The following RP1 variants were observed in gnomAD, a reference collection of about 807,000 sequenced individuals.
RP1 encodes oxygen-regulated protein 1.
In RP1, 16 loss-of-function variants were observed where a neutral mutation model predicts 14.8. The ratio of observed to expected loss-of-function variants is 1.08; its 90% confidence interval spans 0.73 to 1.65. The LOEUF (loss-of-function observed/expected upper bound fraction) is 1.65, where lower values mean the gene tolerates loss of function less well. RP1 is among the 40% of genes most tolerant of loss of function. The pLI is 0.00. For synonymous variants in RP1, 876 were observed against 883.6 expected (o/e 0.99, Z 0.15); for missense variants, 2,631 against 2,535.0 (o/e 1.04, Z -0.81).
chr8:54,804,706 T>A (rs1197466835), intron 24 of RP1, among the ~76,000 whole-genome samples: 1 of 152,136 alleles, frequency 6.6e-6, no homozygotes, highest in East Asian at 1.9e-4. Flanking sequence ...GTAACACCAA[T>A]ACATTAAATA....
At chr8:54,787,572 C>T (rs75142043) in intron 24 of RP1, among the ~76,000 whole-genome samples, 3,753 of 152,112 alleles carry the variant, frequency 0.025, 157 homozygotes, top group African/African-American at 0.083. Context: ...AAATTTAGTT[C>T]GGCTTTTTAT....
At chr8:54,785,330 T>G (rs1810292052) in intron 24 of RP1, among the ~76,000 whole-genome samples, 1 of 150,312 alleles carries the variant, frequency 6.7e-6, no homozygotes, top group Non-Finnish European at 1.5e-5. Context: ...TAATCGGTGT[T>G]GTAGCATGTA....
chr8:54,709,077 C>T (rs1808233400), intron 15 of RP1, among the ~76,000 whole-genome samples: 2 of 152,142 alleles, frequency 1.3e-5, no homozygotes, highest in African/African-American at 4.8e-5. Flanking sequence ...AGAGCTGAGG[C>T]TTTGTCCAGG....
At chr8:54,660,607 A>G (rs1171577566) in intron 6 of RP1, among the ~76,000 whole-genome samples, 1 of 151,920 alleles carries the variant, frequency 6.6e-6, no homozygotes, top group Non-Finnish European at 1.5e-5. Flanking sequence ...ACTGACTTTG[A>G]TGAGGTTCTT....
chr8:54,837,358 T>TA (rs5891554), intron 24 of RP1: 1 of 478,394 alleles, frequency 2.1e-6, no homozygotes, highest in Non-Finnish European at 3.3e-6. Context: ...GTATTTATGA[T>TA]AAAAAAGTAA....
intron 24 of RP1, among the ~76,000 whole-genome samples, chr8:54,831,401 C>CT (rs368455444): frequency 0.45 from 46,021 of 102,702 alleles, 11,456 homozygotes; most frequent in African/African-American, 0.64. Context: ...CCTATTGTTT[C>CT]TTTTTTTTTT....
chr8:54,630,679 T>C lies in RP1; in HGVS notation c.*326T>C, dbSNP rs1042699516. On this transcript the variant is annotated 3_prime_UTR_variant, in exon 4 of 4. Coordinates refer to ENST00000220676, the MANE Select transcript of RP1 (RefSeq NM_006269.2). ...CTAAGGACAAGAATTATATCCTTTT[T>C]AAAAAATGTTGTTAGCTTGGTGTAA... 3 of 1,108,214 alleles carry C rather than the reference T, an allele frequency of 2.7e-6. No homozygotes were observed. The highest frequency in any genetic ancestry group is 4.1e-4 in the Middle Eastern group (1 of 2,412). 68.6% of individuals were successfully genotyped at this position (1,108,214 alleles called of 1,614,324 possible).
intron 9 of RP1, chr8:54,678,674 G>A: frequency 1.6e-6 from 1 of 617,944 alleles, no homozygotes; most frequent in Non-Finnish European, 2.8e-6. Flanking sequence ...ATTAATTTTA[G>A]TGGCTCTTTA....
Position 54,628,182 on chromosome 8 carries a change from T to C in RP1, c.4300T>C (p.Tyr1434His). 1 of 1,614,048 alleles carries C rather than the reference T, an allele frequency of 6.2e-7. No individual in the cohort carries two copies. ...SLRKFQDENA[Y>H]TSFDMEEPRT... ...AAGGAAGTTTCAGGATGAAAATGCA[T>C]ATACTTCCTTTGATATGGAAGAACC... The change falls in exon 4 of 4, where the codon TAT (tyrosine) becomes CAT (histidine). Residue 1434 changes from tyrosine (Y) to histidine (H), a missense_variant. By Grantham distance (83) the Tyr-to-His change is moderately conservative. Transcript: ENST00000220676.
chr8:54,855,934 T>TACACACAC (rs759603043), intron 26 of RP1, among the ~76,000 whole-genome samples: 1 of 57,786 alleles, frequency 1.7e-5, no homozygotes, highest in Non-Finnish European at 3.7e-5. Context: ...AGACTTACTA[T>TACACACAC]ACACACACAC....
chr8:54,863,514 T>G (rs1181619965), intron 27 of RP1, among the ~76,000 whole-genome samples: 1 of 152,246 alleles, frequency 6.6e-6, no homozygotes, highest in Non-Finnish European at 1.5e-5. Context: ...AAAATTTTAC[T>G]CCATCTGTAA....
intron 24 of RP1, among the ~76,000 whole-genome samples, chr8:54,828,449 C>T (rs1038465463): frequency 6.6e-6 from 1 of 152,034 alleles, no homozygotes; most frequent in Non-Finnish European, 1.5e-5. Flanking sequence ...GACACCTTCC[C>T]CCTCTCTCTT....
chr8:54,731,993 C>G (rs540594971), intron 17 of RP1, among the ~76,000 whole-genome samples: 6 of 152,334 alleles, frequency 3.9e-5, no homozygotes, highest in Admixed American at 2.6e-4. Context: ...GTGACTGGCT[C>G]TCTGTTGCTT....
At chr8:54,822,119 C>G (rs1300803884) in intron 24 of RP1, among the ~76,000 whole-genome samples, 1 of 152,050 alleles carries the variant, frequency 6.6e-6, no homozygotes, top group Non-Finnish European at 1.5e-5. Context: ...ATAAAGTGTA[C>G]AAAATGTAGT....
At chr8:54,768,265 T>C (rs879258656) in intron 22 of RP1, among the ~76,000 whole-genome samples, 2 of 152,222 alleles carry the variant, frequency 1.3e-5, no homozygotes, top group Non-Finnish European at 2.9e-5. Context: ...TTTTTTGTTC[T>C]TCATTCCTTT....
chr8:54,603,004 G>A (rs1406988714), intron 1 of RP1, among the ~76,000 whole-genome samples: 1 of 152,060 alleles, frequency 6.6e-6, no homozygotes, highest in Admixed American at 6.5e-5. Context: ...TCACTCTGAT[G>A]GTAGTTTCTT....
Position 54,629,830 on chromosome 8 carries a change from A to T in RP1, c.5948A>T (p.Asn1983Ile). 6.2e-7 allele frequency: 1 copy of T among 1,613,122 alleles called. No homozygotes were observed. Among genetic ancestry groups the T allele is most frequent in the Non-Finnish European group, 8.5e-7 (1 of 1,179,734 alleles). Reference sequence around the variant, plus strand: ...AGTATGAGACAAAATCTTATTGATAATGCCATTGGTGATATATTTGATCAG... The same window carrying T: ...AGTATGAGACAAAATCTTATTGATATTGCCATTGGTGATATATTTGATCAG... ...KASMRQNLID[N>I]AIGDIFDQFY... The change falls in exon 4 of 4, where the codon AAT (asparagine) becomes ATT (isoleucine). Residue 1983 changes from asparagine (N) to isoleucine (I), a missense_variant. Physicochemically the swap from Asn to Ile is moderately radical, Grantham distance 149 (BLOSUM62 -3). Coordinates refer to ENST00000220676, the MANE Select transcript of RP1 (RefSeq NM_006269.2).
chr8:54,811,471 GC>G (rs1042373177), intron 24 of RP1, among the ~76,000 whole-genome samples: 33 of 152,126 alleles, frequency 2.2e-4, no homozygotes, highest in Admixed American at 1.9e-3. Flanking sequence ...TACCTGCACA[GC>G]CCCCTCTTGC....
At chr8:54,797,540 C>CACACAG (rs1234747578) in intron 24 of RP1, among the ~76,000 whole-genome samples, 2 of 151,650 alleles carry the variant, frequency 1.3e-5, no homozygotes, top group Admixed American at 1.3e-4. Context: ...AACACACACA[C>CACACAG]ACACACACAC....
Sources: allele counts gnomAD v4.1 joint callset (sites outside exome capture counted in the v4.1 genomes callset), GRCh38; gene constraint gnomAD v4.1.1; transcripts MANE v1.5; gene names NCBI Gene and HGNC (gene_info 2026-07-23, HGNC 2026-07-21).